NR6A1: variants seen among roughly 807,000 people sequenced by gnomAD.
NR6A1 encodes the protein nuclear receptor subfamily 6 group A member 1.
Under a neutral mutation model 59.1 loss-of-function variants are expected in NR6A1, and 7 were observed. That is an observed-to-expected ratio of 0.12 (90% CI 0.07 to 0.22). The LOEUF (loss-of-function observed/expected upper bound fraction) is 0.22. Ranked by LOEUF, NR6A1 falls within the 10% of genes least tolerant of loss-of-function variation. NR6A1 has a pLI of 1.00. For synonymous variants in NR6A1, 243 were observed against 236.1 expected (o/e 1.03, Z -0.27); for missense variants, 468 against 611.6 (o/e 0.77, Z 2.48).
chr9:124,542,978 G>A (rs1050404274), intron 4 of NR6A1, among the ~76,000 whole-genome samples: 6 of 152,180 alleles, frequency 3.9e-5, no homozygotes, highest in Non-Finnish European at 5.9e-5. Flanking sequence ...TAAGAACAAC[G>A]GGTAAGAACA....
intron 2 of NR6A1, among the ~76,000 whole-genome samples, chr9:124,578,029 C>T (rs974741653): frequency 2.0e-5 from 3 of 152,160 alleles, no homozygotes; most frequent in African/African-American, 7.2e-5. Context: ...CATCTGAATT[C>T]TCCCCTTTTT....
rs576191279 is a variant in NR6A1 at position 124,706,683 on chromosome 9, A to G, written c.142+26625T>C. Among the ~76,000 whole-genome samples the G allele has an allele frequency of 3.3e-5, 5 of 152,092 alleles. No individual in the cohort carries two copies. In the East Asian group the frequency reaches 7.7e-4, roughly 24 times the overall value. On this transcript the variant is annotated intron_variant, in intron 2 of 9. Transcript: ENST00000487099. ...ACTGACATGCGCCACCACACCAGCT[A>G]ATTTTTGTATTTTTAGTGGAGAGGG...
At chr9:124,536,864 G>A (rs771643453) in intron 6 of NR6A1, among the ~76,000 whole-genome samples, 3 of 152,142 alleles carry the variant, frequency 2.0e-5, no homozygotes, top group Non-Finnish European at 2.9e-5. Flanking sequence ...GACCACTGAA[G>A]GAAAGAGAAC....
chr9:124,675,642 C>A (rs1243435890), intron 2 of NR6A1, among the ~76,000 whole-genome samples: 8 of 152,182 alleles, frequency 5.3e-5, no homozygotes, highest in Admixed American at 5.2e-4. Context: ...ATATTTCTCT[C>A]AAATGATGAG....
At chr9:124,630,219 T>TTG (rs1836386652) in intron 2 of NR6A1, among the ~76,000 whole-genome samples, 1 of 147,238 alleles carries the variant, frequency 6.8e-6, no homozygotes, top group Middle Eastern at 3.5e-3. Context: ...AGTTTTTTTT[T>TTG]TTTTTTTTTT....
chr9:124,605,132 G>A (rs1835543422), intron 2 of NR6A1, among the ~76,000 whole-genome samples: 1 of 152,228 alleles, frequency 6.6e-6, no homozygotes, highest in African/African-American at 2.4e-5. Flanking sequence ...AAGGCTTGAA[G>A]TTGACTAAGT....
chr9:124,737,728 T>C (rs918887103), intron 1 of NR6A1, among the ~76,000 whole-genome samples: 6 of 152,082 alleles, frequency 3.9e-5, no homozygotes, highest in East Asian at 3.9e-4. Context: ...TAGCCTGGCA[T>C]GGCAGTGCAC....
At chr9:124,656,787 G>A (rs906822383) in intron 2 of NR6A1, among the ~76,000 whole-genome samples, 2 of 152,188 alleles carry the variant, frequency 1.3e-5, no homozygotes, top group Admixed American at 1.3e-4. Context: ...AGCCAAGACA[G>A]TGCCATTGCA....
In NR6A1 at chr9:124,562,854, G is replaced by A. The variant is rs138090184; in HGVS notation, c.143-8284C>T. Among the ~76,000 whole-genome samples the A allele has an allele frequency of 2.0e-4, 30 of 152,282 alleles. 1 individual carries two copies. Among genetic ancestry groups the A allele is most frequent in the Admixed American group, 2.6e-4 (4 of 15,304 alleles). On this transcript the variant is annotated intron_variant, in intron 2 of 9. Transcript: ENST00000487099. ...AGAGCCCTAGCAACATCTCTTCAGA[G>A]CACCATTGACATGTGTCTGCTGAAA...
At chr9:124,753,715 C>T (rs1334747999) in intron 1 of NR6A1, among the ~76,000 whole-genome samples, 1 of 152,142 alleles carries the variant, frequency 6.6e-6, no homozygotes, top group African/African-American at 2.4e-5. Context: ...TACCAGAAAA[C>T]CTTTTTAGAG....
At chr9:124,723,978 G>A (rs776106252) in intron 2 of NR6A1, among the ~76,000 whole-genome samples, 17 of 152,096 alleles carry the variant, frequency 1.1e-4, no homozygotes, top group Non-Finnish European at 1.9e-4. Flanking sequence ...ATACACAAAC[G>A]TGTTCACTGT....
chr9:124,685,859 A>G (rs908074427), intron 2 of NR6A1, among the ~76,000 whole-genome samples: 3 of 152,240 alleles, frequency 2.0e-5, no homozygotes, highest in Non-Finnish European at 2.9e-5. Context: ...CCAAGTATCA[A>G]TAGTTTGCCC....
At chr9:124,686,956 C>T (rs1033546482) in intron 2 of NR6A1, among the ~76,000 whole-genome samples, 6 of 151,768 alleles carry the variant, frequency 4.0e-5, no homozygotes, top group East Asian at 2.0e-4. Flanking sequence ...CCTCCCTCCT[C>T]GGCCACCTAA....
intron 4 of NR6A1, among the ~76,000 whole-genome samples, chr9:124,542,302 A>C (rs1833470464): frequency 6.6e-6 from 1 of 152,258 alleles, no homozygotes; most frequent in Admixed American, 6.5e-5. Context: ...GAATAAACAC[A>C]GCAGAGTTGG....
intron 2 of NR6A1, among the ~76,000 whole-genome samples, chr9:124,648,562 A>G (rs1837003721): frequency 6.6e-6 from 1 of 152,176 alleles, no homozygotes; most frequent in Admixed American, 6.5e-5. Context: ...TCATCCTTTT[A>G]TTCAAATAGT....
chr9:124,709,553 T>C (rs1839216814), intron 2 of NR6A1, among the ~76,000 whole-genome samples: 1 of 152,068 alleles, frequency 6.6e-6, no homozygotes, highest in African/African-American at 2.4e-5. Context: ...AGACTCCACA[T>C]AGCCACAGAG....
intron 2 of NR6A1, among the ~76,000 whole-genome samples, chr9:124,702,913 T>C (rs1484809160): frequency 2.0e-5 from 3 of 151,838 alleles, no homozygotes; most frequent in Admixed American, 2.0e-4. Flanking sequence ...TTTTTTTTTT[T>C]CTCTTGAGAT....
intron 2 of NR6A1, among the ~76,000 whole-genome samples, chr9:124,678,204 T>C (rs924262102): frequency 2.0e-5 from 3 of 152,206 alleles, no homozygotes; most frequent in Non-Finnish European, 2.9e-5. Context: ...CATGCTCCCA[T>C]GCCTAGAGGC....
Position 124,524,879 on chromosome 9 carries a change from G to GAA in NR6A1, c.1202-8_1202-7dup, listed in dbSNP as rs200630959. ...ACTGGTCAGACCCCTGATATCTGTG[G>GAA]AAAAAAAAAAAACACACACACACAT... On this transcript the variant is annotated splice_polypyrimidine_tract_variant and splice_region_variant and intron_variant, in intron 8 of 9. Transcript: ENST00000487099. 799 of 1,326,278 alleles carry GAA rather than the reference G, an allele frequency of 6.0e-4. No individual in the cohort carries two copies. The highest frequency in any genetic ancestry group is 3.7e-3 in the East Asian group (138 of 37,800). The allele number at this position is 1,326,278 out of a possible 1,614,324, so 82.2% of individuals were successfully genotyped here. A position where few individuals can be genotyped will look rare whatever the true frequency, so the allele number is the denominator to read the frequency against.
Sources: allele counts gnomAD v4.1 joint callset (sites outside exome capture counted in the v4.1 genomes callset), GRCh38; gene constraint gnomAD v4.1.1; transcripts MANE v1.5; gene names NCBI Gene and HGNC (gene_info 2026-07-23, HGNC 2026-07-21).